The following CCDC178 variants were observed in gnomAD, a reference collection of about 807,000 sequenced individuals.
The protein encoded by CCDC178 is coiled-coil domain-containing protein 178.
A neutral mutation model predicts 117.4 loss-of-function variants in CCDC178; 126 were observed. That is an observed-to-expected ratio of 1.07 (90% CI 0.93 to 1.24). CCDC178 has a LOEUF of 1.24. Among genes scored for constraint, CCDC178 ranks in the 50% most tolerant of loss-of-function variants. CCDC178 has a pLI of 0.00. For synonymous variants in CCDC178, 283 were observed against 313.4 expected (o/e 0.90, Z 1.02); for missense variants, 1,030 against 986.9 (o/e 1.04, Z -0.59).
chr18:33,042,706 C>A (rs1170431840), intron 21 of CCDC178, among the ~76,000 whole-genome samples: 5 of 151,780 alleles, frequency 3.3e-5, no homozygotes, highest in Non-Finnish European at 7.4e-5. Flanking sequence ...TTAGAAAATG[C>A]ACTGAAAAAT....
chr18:33,420,326 T>G (rs1214938545), intron 2 of CCDC178, among the ~76,000 whole-genome samples: 1 of 151,956 alleles, frequency 6.6e-6, no homozygotes, highest in African/African-American at 2.4e-5. Context: ...AATTATTAGG[T>G]TGGTATAAAA....
chr18:33,401,966 T>C (rs2063714873), intron 3 of CCDC178, among the ~76,000 whole-genome samples: 1 of 152,174 alleles, frequency 6.6e-6, no homozygotes. Context: ...TTTAATAAAC[T>C]AGCTATTTAA....
rs142201301 is a variant in CCDC178, at chr18:33,361,195, C to T, written c.349-4849G>A. 2.4e-4 allele frequency among the ~76,000 whole-genome samples: 36 copies of T among 151,574 alleles called. 1 individual carries two copies. The East Asian group carries it at 5.6e-3, about 24-fold the overall frequency. ...GTCCAGAAATAAGTTAAAACACAGACGGACAACTAATTTTTGACAAAGGCA... is the reference window on the plus strand; with the variant it reads ...GTCCAGAAATAAGTTAAAACACAGATGGACAACTAATTTTTGACAAAGGCA... On this transcript the variant is annotated intron_variant, in intron 6 of 22. Transcript: ENST00000383096.
intron 11 of CCDC178, among the ~76,000 whole-genome samples, chr18:33,302,468 A>G (rs1175412872): frequency 6.6e-6 from 1 of 152,226 alleles, no homozygotes; most frequent in Non-Finnish European, 1.5e-5. Context: ...AAATTCCACA[A>G]AAGTTACAAA....
intron 20 of CCDC178, among the ~76,000 whole-genome samples, chr18:33,174,804 T>C (rs2058644465): frequency 6.6e-6 from 1 of 152,072 alleles, no homozygotes; most frequent in African/African-American, 2.4e-5. Flanking sequence ...GGAGTAACCT[T>C]ATCTCTCCTT....
chr18:33,399,892 A>C (rs747285754), intron 3 of CCDC178, among the ~76,000 whole-genome samples: 1 of 152,146 alleles, frequency 6.6e-6, no homozygotes, highest in Non-Finnish European at 1.5e-5. Flanking sequence ...ACCCAGATCC[A>C]TCAGAGGAGT....
At chr18:33,435,162 G>C (rs1444188576) in intron 2 of CCDC178, among the ~76,000 whole-genome samples, 1 of 152,086 alleles carries the variant, frequency 6.6e-6, no homozygotes. Flanking sequence ...CCACTTAAGA[G>C]TTAATTATAT....
intron 20 of CCDC178, among the ~76,000 whole-genome samples, chr18:33,143,900 T>C (rs1289904775): frequency 6.6e-6 from 1 of 152,112 alleles, no homozygotes; most frequent in Non-Finnish European, 1.5e-5. Flanking sequence ...TATTAGGGCT[T>C]AGTAGAAAGG....
chr18:33,084,794 G>A (rs1026443806), intron 21 of CCDC178, among the ~76,000 whole-genome samples: 2 of 150,290 alleles, frequency 1.3e-5, no homozygotes, highest in African/African-American at 4.9e-5. Flanking sequence ...CTGGGCAACA[G>A]TGCGAGGCCC....
intron 20 of CCDC178, among the ~76,000 whole-genome samples, chr18:33,210,919 T>C (rs1369804583): frequency 2.6e-5 from 4 of 152,038 alleles, no homozygotes; most frequent in Admixed American, 6.6e-5. Context: ...AATTTTCTTA[T>C]AGACAAACCA....
At position 33,211,905 on chromosome 18, in the gene CCDC178, T is replaced by C. The variant is rs762662754; in HGVS notation, c.2229A>G (p.Gln743=). Residue 743 remains glutamine (Q), a synonymous_variant, in exon 20 of 23, where the codon CAA becomes CAG. Coordinates refer to ENST00000383096, the MANE Select transcript of CCDC178 (RefSeq NM_001105528.4). ...VLLAVRQKTL[Q]DTQKIIADSL... The stretch of plus-strand genomic sequence containing the variant: ...CAAAAATAATACTCACTTGGGTATC[T>C]TGAAGAGTTTTTTGTCTTACAGCAA... 4 of 1,604,070 alleles carry C rather than the reference T, an allele frequency of 2.5e-6. No homozygotes were observed. The highest frequency in any genetic ancestry group is 2.5e-6 in the Non-Finnish European group (3 of 1,176,620).
At chr18:33,299,899 C>A (rs185791928) in intron 11 of CCDC178, among the ~76,000 whole-genome samples, 71 of 152,144 alleles carry the variant, frequency 4.7e-4, no homozygotes, top group South Asian at 4.4e-3. Context: ...GGTATCATAT[C>A]AGCCAATTAG....
At chr18:33,110,108 T>C (rs997405522) in intron 20 of CCDC178, among the ~76,000 whole-genome samples, 2 of 151,640 alleles carry the variant, frequency 1.3e-5, no homozygotes, top group African/African-American at 4.8e-5. Flanking sequence ...TAGAGAAGTG[T>C]GTAGAGATAT....
intron 20 of CCDC178, among the ~76,000 whole-genome samples, chr18:33,197,214 T>G (rs2058941082): frequency 6.6e-6 from 1 of 152,006 alleles, no homozygotes; most frequent in African/African-American, 2.4e-5. Flanking sequence ...ATTTCCATAA[T>G]GCTGAGGGTT....
chr18:32,979,836 A>G (rs2055109794), intron 21 of CCDC178, among the ~76,000 whole-genome samples: 1 of 152,242 alleles, frequency 6.6e-6, no homozygotes, highest in Admixed American at 6.5e-5. Flanking sequence ...TTAAAGCTGT[A>G]GGAATTAAGA....
At chr18:33,134,667 T>A (rs925792878) in intron 20 of CCDC178, among the ~76,000 whole-genome samples, 2 of 152,106 alleles carry the variant, frequency 1.3e-5, no homozygotes, top group African/African-American at 2.4e-5. Flanking sequence ...GTTTCGCCCA[T>A]CCCATTTTTC....
At chr18:33,378,389 A>C (rs917752674) in intron 5 of CCDC178, among the ~76,000 whole-genome samples, 4 of 152,152 alleles carry the variant, frequency 2.6e-5, no homozygotes, top group African/African-American at 9.7e-5. Flanking sequence ...GCAAAGGGAC[A>C]ATGACTTCTT....
chr18:32,988,655 T>A (rs2055322012), intron 21 of CCDC178, among the ~76,000 whole-genome samples: 1 of 151,722 alleles, frequency 6.6e-6, no homozygotes, highest in Non-Finnish European at 1.5e-5. Context: ...AAAAGAGTAA[T>A]AAAATGGAAA....
At chr18:32,961,666 G>T (rs2054705436) in intron 22 of CCDC178, among the ~76,000 whole-genome samples, 1 of 152,092 alleles carries the variant, frequency 6.6e-6, no homozygotes, top group African/African-American at 2.4e-5. Flanking sequence ...ATTCTCATAA[G>T]GAGCAGGCAG....
Sources: allele counts gnomAD v4.1 joint callset (sites outside exome capture counted in the v4.1 genomes callset), GRCh38; gene constraint gnomAD v4.1.1; transcripts MANE v1.5; gene names NCBI Gene and HGNC (gene_info 2026-07-23, HGNC 2026-07-21).